The following FOXP2 variants were observed in gnomAD, a reference collection of about 807,000 sequenced individuals.
FOXP2 encodes the protein forkhead box protein P2.
A neutral mutation model predicts 115.8 loss-of-function variants in FOXP2; 12 were observed. The ratio of observed to expected loss-of-function variants is 0.10; its 90% confidence interval spans 0.07 to 0.17. The LOEUF (loss-of-function observed/expected upper bound fraction) is 0.17, where lower values mean the gene tolerates loss of function less well. Ranked by LOEUF, FOXP2 falls within the 10% of genes least tolerant of loss-of-function variation. The pLI, the probability that FOXP2 is intolerant of heterozygous loss-of-function variation, is 1.00. For synonymous variants in FOXP2, 328 were observed against 297.7 expected (o/e 1.10, Z -1.05); for missense variants, 629 against 843.5 (o/e 0.75, Z 3.15).
At chr7:114,407,968 A>G (rs929313023) in intron 2 of FOXP2, among the ~76,000 whole-genome samples, 2 of 152,200 alleles carry the variant, frequency 1.3e-5, no homozygotes, top group Non-Finnish European at 2.9e-5. Context: ...AATCTGCTTA[A>G]AAGGATATAC....
intron 16 of FOXP2, among the ~76,000 whole-genome samples, chr7:114,682,765 T>C (rs1388285833): frequency 1.3e-5 from 2 of 152,136 alleles, no homozygotes; most frequent in Non-Finnish European, 2.9e-5. Context: ...TTCTTTTGAG[T>C]TGGCATATAA....
At chr7:114,240,871 C>T (rs1007819062) in intron 1 of FOXP2, among the ~76,000 whole-genome samples, 8 of 152,032 alleles carry the variant, frequency 5.3e-5, no homozygotes, top group Middle Eastern at 3.4e-3. Flanking sequence ...TCACTGTTAA[C>T]ACCATTTTAA....
chr7:114,448,340 C>T (rs999793938), intron 2 of FOXP2, among the ~76,000 whole-genome samples: 3 of 151,912 alleles, frequency 2.0e-5, no homozygotes, highest in African/African-American at 7.3e-5. Context: ...TTTATATCTC[C>T]TTTGATTCAT....
intron 3 of FOXP2, among the ~76,000 whole-genome samples, chr7:114,596,251 A>G (rs1483454555): frequency 6.6e-6 from 1 of 151,866 alleles, no homozygotes; most frequent in Non-Finnish European, 1.5e-5. Context: ...TTCATTGACC[A>G]CTTGGTTGTG....
At chr7:114,400,464 A>G (rs1340573531) in intron 2 of FOXP2, among the ~76,000 whole-genome samples, 1 of 152,204 alleles carries the variant, frequency 6.6e-6, no homozygotes, top group Admixed American at 6.5e-5. Context: ...ATCAGAATAG[A>G]TGTTAAAGAA....
intron 2 of FOXP2, among the ~76,000 whole-genome samples, chr7:114,453,550 C>T (rs1187708026): frequency 6.6e-6 from 1 of 152,106 alleles, no homozygotes; most frequent in African/African-American, 2.4e-5. Flanking sequence ...GGTGGCAAGA[C>T]ATGTGCCAGG....
In FOXP2 at chr7:114,197,991, G is replaced by A. The variant is rs185639930; in HGVS notation, c.-102+34903G>A. On this transcript the variant is annotated intron_variant, in intron 1 of 17. Coordinates refer to the FOXP2 transcript ENST00000634411. ...GCGATCCTCCCACCTCAGCACCCCA[G>A]GTAGCTGGGATTACAGGCATGCACC... Among the ~76,000 whole-genome samples the A allele has an allele frequency of 8.5e-4, 129 of 151,850 alleles. 2 individuals carry two copies. The East Asian group carries it at 0.023, about 27-fold the overall frequency.
At chr7:114,479,188 T>C (rs1017321236) in intron 2 of FOXP2, among the ~76,000 whole-genome samples, 2 of 151,834 alleles carry the variant, frequency 1.3e-5, no homozygotes, top group African/African-American at 4.8e-5. Flanking sequence ...GTTTTGTTTT[T>C]GTTGTTTAAA....
chr7:114,360,444 G>C (rs1791720536), intron 2 of FOXP2, among the ~76,000 whole-genome samples: 1 of 151,942 alleles, frequency 6.6e-6, no homozygotes, highest in African/African-American at 2.4e-5. Context: ...GATTTCTCCT[G>C]ATAACCATCT....
upstream of FOXP2, among the ~76,000 whole-genome samples, chr7:114,158,508 T>C (rs999974395): frequency 6.6e-6 from 1 of 152,094 alleles, no homozygotes; most frequent in Non-Finnish European, 1.5e-5. Context: ...TACAAAGCAG[T>C]AATGGCAGTA....
At chr7:114,668,734 C>T (rs1315065826) in intron 16 of FOXP2, 1 of 152,052 alleles carries the variant, frequency 6.6e-6, no homozygotes, top group Non-Finnish European at 1.5e-5. Context: ...ATGACAAGTC[C>T]CTTAAAGACA....
chr7:114,609,525 C>G (rs1268993897), intron 3 of FOXP2, among the ~76,000 whole-genome samples: 3 of 152,148 alleles, frequency 2.0e-5, no homozygotes, highest in Non-Finnish European at 2.9e-5. Flanking sequence ...TCTTTTCGAG[C>G]ATAGCTTGAA....
chr7:114,357,969 G>A (rs1791654850), intron 2 of FOXP2, among the ~76,000 whole-genome samples: 2 of 152,130 alleles, frequency 1.3e-5, no homozygotes, highest in Middle Eastern at 6.8e-3. Context: ...TGTTGTTTTT[G>A]ATAAAGAGTA....
intron 3 of FOXP2, among the ~76,000 whole-genome samples, chr7:114,597,227 C>T (rs1802773914): frequency 6.6e-6 from 1 of 152,038 alleles, no homozygotes; most frequent in Middle Eastern, 3.4e-3. Context: ...TGAAAAAGTA[C>T]CATAATTTAT....
chr7:114,474,169 A>T (rs543731393), intron 2 of FOXP2, among the ~76,000 whole-genome samples: 2 of 152,210 alleles, frequency 1.3e-5, no homozygotes, highest in Non-Finnish European at 2.9e-5. Context: ...CATACTGTGC[A>T]TGTGGTGAAT....
At chr7:114,458,693 C>T (rs1013882814) in intron 2 of FOXP2, among the ~76,000 whole-genome samples, 2 of 151,668 alleles carry the variant, frequency 1.3e-5, no homozygotes, top group African/African-American at 2.4e-5. Context: ...ATCCACCACA[C>T]GCAGCTGGTT....
chr7:114,362,037 A>G (rs1410294609), intron 2 of FOXP2, among the ~76,000 whole-genome samples: 1 of 152,062 alleles, frequency 6.6e-6, no homozygotes. Context: ...CAAAAATAAA[A>G]TTCAAACAAT....
intron 16 of FOXP2, 48 bp from the exon 17 acceptor site, chr7:114,689,734 G>A (rs764586335): frequency 6.2e-7 from 1 of 1,609,300 alleles, no homozygotes; most frequent in South Asian, 1.1e-5. Flanking sequence ...GCCAAACTCT[G>A]TTTGTTGCTT....
At chr7:114,288,695 G>GT (rs1796522239) in intron 2 of FOXP2, among the ~76,000 whole-genome samples, 1 of 151,576 alleles carries the variant, frequency 6.6e-6, no homozygotes, top group South Asian at 2.1e-4. Flanking sequence ...TATGTACAAT[G>GT]TTAACATATA....
Sources: allele counts gnomAD v4.1 joint callset (sites outside exome capture counted in the v4.1 genomes callset), GRCh38; gene constraint gnomAD v4.1.1; transcripts MANE v1.5; gene names NCBI Gene and HGNC (gene_info 2026-07-23, HGNC 2026-07-21).